The following LRTM2 variants were observed in gnomAD, a reference collection of about 807,000 sequenced individuals.
The protein encoded by LRTM2 is leucine-rich repeat and transmembrane domain-containing protein 2.
A neutral mutation model predicts 28.1 loss-of-function variants in LRTM2; 18 were observed. That is an observed-to-expected ratio of 0.64 (90% CI 0.44 to 0.95). The LOEUF (loss-of-function observed/expected upper bound fraction) is 0.95, where lower values mean the gene tolerates loss of function less well. Among genes scored for constraint, LRTM2 ranks in the 40% least tolerant of loss-of-function variants. The pLI, the probability that LRTM2 is intolerant of heterozygous loss-of-function variation, is 0.00. For missense variants in LRTM2, 436 were observed against 497.2 expected (o/e 0.88, Z 1.17); for synonymous variants, 250 against 218.7 (o/e 1.14, Z -1.26).
rs80037032 is a variant in LRTM2 at position 1,828,712 on chromosome 12, G to C, written c.67+497G>C. On this transcript the variant is annotated intron_variant, in intron 3 of 4. Coordinates refer to ENST00000299194, the MANE Select transcript of LRTM2 (RefSeq NM_001039029.3). This position sits in a 1 kb window ranked among gnomAD's most constrained non-coding sequence, Gnocchi z 4.2. ...TTATGCCTCCGCTTTCCCAACTCTC[G>C]GTAGAGGACCTAGTGGGCTCGTGGG... 4.4e-3 allele frequency among the ~76,000 whole-genome samples: 675 copies of C among 152,322 alleles called. 2 individuals carry two copies. Among genetic ancestry groups the C allele is most frequent in the African/African-American group, 0.016 (650 of 41,574 alleles).
chr12:1,830,805 G>A (rs1864587635), intron 3 of LRTM2, 130 bp from the exon 4 acceptor site: 1 of 702,976 alleles, frequency 1.4e-6, no homozygotes, highest in Non-Finnish European at 2.3e-6. Context: ...AAACGTTTAT[G>A]CATTGATTGT....
chr12:1,823,441 G>A (rs1458656815), intron 1 of LRTM2, among the ~76,000 whole-genome samples: 2 of 152,082 alleles, frequency 1.3e-5, no homozygotes, highest in Admixed American at 6.5e-5. Context: ...GCTCTGAGGG[G>A]GCCGAGTGGG....
At chr12:1,830,090 G>A (rs768075554) in intron 3 of LRTM2, among the ~76,000 whole-genome samples, 3 of 152,246 alleles carry the variant, frequency 2.0e-5, no homozygotes, top group Non-Finnish European at 4.4e-5. Flanking sequence ...TCTATTCATC[G>A]GGCCATTGTG....
At chr12:1,830,874 G>A in intron 3 of LRTM2, 61 bp from the exon 4 acceptor site, 1 of 1,366,236 alleles carries the variant, frequency 7.3e-7, no homozygotes, top group Non-Finnish European at 9.9e-7. Context: ...GGAGGGAAGA[G>A]AAGCAGGAGG....
chr12:1,826,682 C>T (rs961791291), intron 1 of LRTM2, among the ~76,000 whole-genome samples: 6 of 148,548 alleles, frequency 4.0e-5, no homozygotes, highest in Middle Eastern at 3.6e-3. Context: ...GGCGGCACTC[C>T]GCTCCTCAGC....
chr12:1,828,281 A>C lies in LRTM2; in HGVS notation c.67+66A>C. ...TGGGGGTGCCGAGGTGACTGTAGGT[A>C]GCGCCATATGGGACCTTAGCCACAC... is the stretch of plus-strand genomic sequence containing the variant. On this transcript the variant is annotated intron_variant, in intron 3 of 4. Coordinates refer to ENST00000299194, the MANE Select transcript of LRTM2 (RefSeq NM_001039029.3). This position sits in a 1 kb window ranked among gnomAD's most constrained non-coding sequence, Gnocchi z 4.2. The C allele has an allele frequency of 2.2e-6, 3 of 1,381,532 alleles. No individual in the cohort carries two copies. Among genetic ancestry groups the C allele is most frequent in the Non-Finnish European group, 2.9e-6 (3 of 1,017,686 alleles). 85.6% of individuals were successfully genotyped at this position (1,381,532 alleles called of 1,614,324 possible). A position where few individuals can be genotyped will look rare whatever the true frequency, so the allele number is the denominator to read the frequency against.
chr12:1,833,292 G>A lies in LRTM2; in HGVS notation c.659-975G>A, dbSNP rs1315747975. 1.3e-5 allele frequency among the ~76,000 whole-genome samples: 2 copies of A among 152,134 alleles called. No individual in the cohort carries two copies. Among genetic ancestry groups the A allele is most frequent in the Non-Finnish European group, 2.9e-5 (2 of 68,014 alleles). Reference sequence around the variant, plus strand: ...GAGTGGCTGCAGCCCGCATCTTTTCGGCAGGGGGTCTAGTGCCTGCATCCA... The same window carrying A: ...GAGTGGCTGCAGCCCGCATCTTTTCAGCAGGGGGTCTAGTGCCTGCATCCA... On this transcript the variant is annotated intron_variant, in intron 4 of 4. Transcript: ENST00000299194. The surrounding 1 kb of genome is among the most constrained non-coding windows in gnomAD (Gnocchi z 4.2).
intron 4 of LRTM2, 28 bp downstream of exon 4, chr12:1,831,553 C>G (rs377220840): frequency 1.3e-6 from 2 of 1,571,320 alleles, no homozygotes; most frequent in Non-Finnish European, 1.7e-6. Flanking sequence ...TGCTGGGGCC[C>G]GAGGGATTGG....
rs1300850744 is a variant in LRTM2 at position 1,829,760 on chromosome 12, G to GGGTC, written c.68-1174_68-1171dup. Among the ~76,000 whole-genome samples the GGGTC allele has an allele frequency of 6.6e-6, 1 of 150,694 alleles. No homozygotes were observed. The highest frequency in any genetic ancestry group is 1.5e-5 in the Non-Finnish European group (1 of 67,628). ...AGGGTGGGCCGATGGGCTGTGAGCT[G>GGGTC]GGTCTGAACTTCTCCATCAGTTCTC... is the stretch of plus-strand genomic sequence containing the variant. On this transcript the variant is annotated intron_variant, in intron 3 of 4. Transcript: ENST00000299194. The surrounding 1 kb of genome is among the most constrained non-coding windows in gnomAD (Gnocchi z 4.2).
At chr12:1,826,243 G>T (rs1307931623) in intron 1 of LRTM2, among the ~76,000 whole-genome samples, 1 of 152,172 alleles carries the variant, frequency 6.6e-6, no homozygotes, top group Admixed American at 6.5e-5. Flanking sequence ...ATGGTGATGG[G>T]CACTGGGTGT....
chr12:1,824,998 G>A (rs556750045), intron 1 of LRTM2, among the ~76,000 whole-genome samples: 7 of 152,358 alleles, frequency 4.6e-5, no homozygotes, highest in African/African-American at 1.4e-4. Flanking sequence ...GGGCATATCC[G>A]CATGAACCTG....
rs891397273 is a variant in LRTM2, at chr12:1,831,500, C to T, written c.633C>T (p.His211=). 8 of 1,613,508 alleles carry T rather than the reference C, an allele frequency of 5.0e-6. No homozygotes were observed. The African/African-American group carries it at 8.0e-5, about 16-fold the overall frequency. ...ECDCNLREFK[H]WMEWFSYRGG... ...ACTGTAACCTGCGTGAGTTCAAACA[C>T]TGGATGGAGTGGTTCTCCTACCGAG... Residue 211 remains histidine, a synonymous_variant, in exon 4 of 5, where the codon CAC becomes CAT. Coordinates refer to ENST00000299194, the MANE Select transcript of LRTM2 (RefSeq NM_001039029.3).
Position 1,829,062 on chromosome 12 carries a change from T to C in LRTM2, c.67+847T>C, listed in dbSNP as rs1427746093. Among the ~76,000 whole-genome samples, 1 of 152,218 alleles carries C rather than the reference T, an allele frequency of 6.6e-6. No homozygotes were observed. The highest frequency in any genetic ancestry group is 1.5e-5 in the Non-Finnish European group (1 of 68,038). ...TGAGAGAGGCTGGCCCCTGAGTGAC[T>C]CAGATCTCCTTTCAGCCTCATTCTA... On this transcript the variant is annotated intron_variant, in intron 3 of 4. Transcript: ENST00000299194. The surrounding 1 kb of genome is among the most constrained non-coding windows in gnomAD (Gnocchi z 4.2).
At chr12:1,832,775 C>T (rs1319072996) in intron 4 of LRTM2, among the ~76,000 whole-genome samples, 1 of 152,152 alleles carries the variant, frequency 6.6e-6, no homozygotes. Flanking sequence ...GATTTTAAAC[C>T]TTACAGCAGC....
chr12:1,832,069 TAAG>T (rs1384066016), intron 4 of LRTM2, among the ~76,000 whole-genome samples: 4 of 152,242 alleles, frequency 2.6e-5, no homozygotes, highest in African/African-American at 4.8e-5. Context: ...ATCCAAACTT[TAAG>T]AAGAAGTCAA....
In LRTM2 at chr12:1,828,135, C is replaced by T; in HGVS notation, c.-14C>T. ...CCCCAGAGCGACAGGGCCCGGAGAG[C>T]CGTGGGCCTCACCATGCTGGCGCCG... On this transcript the variant is annotated 5_prime_UTR_variant, in exon 3 of 5. Coordinates refer to ENST00000299194, the MANE Select transcript of LRTM2 (RefSeq NM_001039029.3). This position sits in a 1 kb window ranked among gnomAD's most constrained non-coding sequence, Gnocchi z 4.2. 1 of 1,533,366 alleles carries T rather than the reference C, an allele frequency of 6.5e-7. No homozygotes were observed. The highest frequency in any genetic ancestry group is 8.8e-7 in the Non-Finnish European group (1 of 1,138,812). The allele number at this position is 1,533,366 out of a possible 1,614,324, so 95.0% of individuals were successfully genotyped here.
At chr12:1,823,912 C>T (rs753195672) in intron 1 of LRTM2, among the ~76,000 whole-genome samples, 6 of 152,190 alleles carry the variant, frequency 3.9e-5, no homozygotes, top group African/African-American at 7.2e-5. Context: ...GTAACCCCCA[C>T]GTGTAAGCAG....
At position 1,828,601 on chromosome 12, in the gene LRTM2, C is replaced by T. The variant is rs890236850; in HGVS notation, c.67+386C>T. On this transcript the variant is annotated intron_variant, in intron 3 of 4. Transcript: ENST00000299194. This position sits in a 1 kb window ranked among gnomAD's most constrained non-coding sequence, Gnocchi z 4.2. The stretch of plus-strand genomic sequence containing the variant: ...TGTCGGCCTGTGTCACAGACTGCGG[C>T]GAGCCCTTTTGCTCCCGTGGGGAAC... 6.6e-6 allele frequency among the ~76,000 whole-genome samples: 1 copy of T among 152,210 alleles called. No individual in the cohort carries two copies. Among genetic ancestry groups the T allele is most frequent in the Non-Finnish European group, 1.5e-5 (1 of 68,026 alleles).
intron 1 of LRTM2, among the ~76,000 whole-genome samples, chr12:1,826,016 C>T (rs1293994499): frequency 6.6e-6 from 1 of 152,072 alleles, no homozygotes; most frequent in African/African-American, 2.4e-5. Context: ...CTGCGAGGGC[C>T]GTAGGTGTGG....
Sources: allele counts gnomAD v4.1 joint callset (sites outside exome capture counted in the v4.1 genomes callset), GRCh38; gene constraint gnomAD v4.1.1; non-coding constraint Gnocchi (gnomAD v3.1); transcripts MANE v1.5; gene names NCBI Gene and HGNC (gene_info 2026-07-23, HGNC 2026-07-21).